IQCM: variants seen among roughly 807,000 people sequenced by gnomAD.
The protein encoded by IQCM is IQ domain-containing protein M.
In IQCM, 45 loss-of-function variants were observed where a neutral mutation model predicts 57.6. That is an observed-to-expected ratio of 0.78 (90% CI 0.62 to 1.00). The LOEUF (loss-of-function observed/expected upper bound fraction) is 1.00, where lower values mean the gene tolerates loss of function less well. Ranked by LOEUF, IQCM falls within the 50% of genes least tolerant of loss-of-function variation. The pLI is 0.00. For synonymous variants in IQCM, 148 were observed against 158.9 expected, an observed-to-expected ratio of 0.93 and a Z score of 0.51; for missense variants, 468 against 511.6, an observed-to-expected ratio of 0.91 and a Z score of 0.82.
chr4:149,585,435 T>A (rs1224819035), intron 9 of IQCM, among the ~76,000 whole-genome samples: 1 of 151,722 alleles, frequency 6.6e-6, no homozygotes. Context: ...AAGAGAATCT[T>A]AATATTGATT....
chr4:149,601,051 A>G (rs1223443853), intron 8 of IQCM, among the ~76,000 whole-genome samples: 1 of 152,188 alleles, frequency 6.6e-6, no homozygotes, highest in South Asian at 2.1e-4. Context: ...TTTATCAGGA[A>G]AAAAATTACC....
At chr4:149,536,781 T>C (rs2149866676) in intron 12 of IQCM, among the ~76,000 whole-genome samples, 1 of 152,180 alleles carries the variant, frequency 6.6e-6, no homozygotes, top group Admixed American at 6.6e-5. Flanking sequence ...TATCCATTAG[T>C]ATGTTCTCAT....
At chr4:149,363,270 A>G (rs188497009) in intron 13 of IQCM, among the ~76,000 whole-genome samples, 2 of 152,312 alleles carry the variant, frequency 1.3e-5, no homozygotes, top group Non-Finnish European at 2.9e-5. Flanking sequence ...AGCAGCAGCA[A>G]GACACCTTCA....
At chr4:149,515,067 T>C (rs1463518836) in intron 12 of IQCM, among the ~76,000 whole-genome samples, 2 of 126,492 alleles carry the variant, frequency 1.6e-5, no homozygotes, top group East Asian at 2.4e-4. Context: ...CCCATATATA[T>C]ACACGTGTGT....
At position 149,807,708 on chromosome 4, in the gene IQCM, A is replaced by G. The variant is rs545676353; in HGVS notation, c.-49+7603T>C. Among the ~76,000 whole-genome samples the G allele has an allele frequency of 2.0e-5, 3 of 152,104 alleles. No individual in the cohort carries two copies. The South Asian group carries it at 6.2e-4, about 32-fold the overall frequency. ...CTGACAAGGAATTAATAGCCAGAAT[A>G]TATAAGGGAAAAAAAATTAATAGCA... On this transcript the variant is annotated intron_variant, in intron 2 of 13. Transcript: ENST00000636793.
chr4:149,472,334 G>A (rs541878435), intron 12 of IQCM, among the ~76,000 whole-genome samples: 16 of 152,066 alleles, frequency 1.1e-4, no homozygotes, highest in Admixed American at 8.5e-4. Context: ...ATAACAGACA[G>A]ACAGAGAGCC....
intron 13 of IQCM, among the ~76,000 whole-genome samples, chr4:149,403,636 T>G (rs977990394): frequency 6.6e-6 from 1 of 151,948 alleles, no homozygotes; most frequent in African/African-American, 2.4e-5. Context: ...AGTCTTTCAC[T>G]CATCCTATGA....
chr4:149,605,348 T>C (rs988692222), intron 8 of IQCM, among the ~76,000 whole-genome samples: 15 of 152,166 alleles, frequency 9.9e-5, no homozygotes, highest in Admixed American at 2.6e-4. Flanking sequence ...CCTCCACATT[T>C]GAAAATCTTT....
intron 8 of IQCM, among the ~76,000 whole-genome samples, chr4:149,593,853 G>T (rs889979557): frequency 6.6e-6 from 1 of 152,078 alleles, no homozygotes; most frequent in Non-Finnish European, 1.5e-5. Flanking sequence ...GCTGGATTCG[G>T]TTTTTCAGTA....
At chr4:149,527,524 T>A (rs575993737) in intron 12 of IQCM, among the ~76,000 whole-genome samples, 9 of 152,318 alleles carry the variant, frequency 5.9e-5, no homozygotes, top group African/African-American at 2.2e-4. Context: ...TGGCAGCCCC[T>A]TGATCTTGAA....
intron 12 of IQCM, among the ~76,000 whole-genome samples, chr4:149,481,696 G>GTTTTTTT (rs1197852884): frequency 1.8e-4 from 6 of 33,600 alleles, no homozygotes; most frequent in East Asian, 9.1e-4. Context: ...GATTCTTCCA[G>GTTTTTTT]TTTTGTTTTT....
At chr4:149,707,722 A>G (rs1764263120) in intron 5 of IQCM, among the ~76,000 whole-genome samples, 2 of 152,004 alleles carry the variant, frequency 1.3e-5, no homozygotes, top group African/African-American at 2.4e-5. Context: ...TACTATAAGT[A>G]ATAATGTTCT....
chr4:149,464,003 AG>A (rs1738576894), intron 12 of IQCM, among the ~76,000 whole-genome samples: 1 of 152,228 alleles, frequency 6.6e-6, no homozygotes, highest in African/African-American at 2.4e-5. Context: ...ATATCAAAGC[AG>A]TAGCTCTTCA....
chr4:149,473,870 C>T (rs1739872367), intron 12 of IQCM, among the ~76,000 whole-genome samples: 1 of 152,106 alleles, frequency 6.6e-6, no homozygotes, highest in Non-Finnish European at 1.5e-5. Context: ...CAAACTATCG[C>T]AAGGACAGAA....
At chr4:149,403,755 G>A (rs1032835822) in intron 13 of IQCM, among the ~76,000 whole-genome samples, 2 of 151,910 alleles carry the variant, frequency 1.3e-5, no homozygotes, top group Non-Finnish European at 2.9e-5. Context: ...AACTGAGTGC[G>A]TAAGACATCA....
rs183261831 is a variant in IQCM, at chr4:149,654,076, C to T, written c.565+28042G>A. ...ATTCTTACACAATGTTTCTGAAAAG[C>T]GGATACGAATATCCTCATTCCTACA... On this transcript the variant is annotated intron_variant, in intron 7 of 13. Transcript: ENST00000636793. Among the ~76,000 whole-genome samples, 7 of 152,204 alleles carry T rather than the reference C, an allele frequency of 4.6e-5. No homozygotes were observed. In the East Asian group the frequency reaches 7.7e-4, roughly 17 times the overall value.
chr4:149,384,875 A>ACAT (rs964469787), intron 13 of IQCM, among the ~76,000 whole-genome samples: 1 of 152,104 alleles, frequency 6.6e-6, no homozygotes, highest in African/African-American at 2.4e-5. Flanking sequence ...TAAATAGAAA[A>ACAT]CATTAAGAAT....
At chr4:149,521,367 TA>T (rs1038151923) in intron 12 of IQCM, among the ~76,000 whole-genome samples, 3 of 152,100 alleles carry the variant, frequency 2.0e-5, no homozygotes, top group Non-Finnish European at 4.4e-5. Flanking sequence ...AAAATGCATT[TA>T]AAAAATGTTC....
chr4:149,413,993 G>A (rs979256012), intron 13 of IQCM, among the ~76,000 whole-genome samples: 1 of 152,080 alleles, frequency 6.6e-6, no homozygotes. Context: ...TTTTCCTCTA[G>A]GCATGTTATA....
Sources: gnomAD v4.1 joint callset for allele counts (sites outside exome capture counted in the v4.1 genomes callset) on GRCh38, gnomAD v4.1.1 for gene constraint, MANE v1.5 for transcripts, NCBI Gene and HGNC (gene_info 2026-07-23, HGNC 2026-07-21) for gene names.